Variants in ADAM12 observed in about 807,000 individuals in gnomAD.
The protein encoded by ADAM12 is disintegrin and metalloproteinase domain-containing protein 12.
A neutral mutation model predicts 106.4 loss-of-function variants in ADAM12; 70 were observed. That is an observed-to-expected ratio of 0.66 (90% confidence interval 0.54 to 0.80). The LOEUF is 0.80. Ranked by LOEUF, ADAM12 falls within the 30% of genes least tolerant of loss-of-function variation. The pLI, the probability that ADAM12 is intolerant of heterozygous loss-of-function variation, is 0.00. For missense variants in ADAM12, 1,010 were observed against 1,171.9 expected (o/e 0.86, Z 2.02); for synonymous variants, 420 against 433.5 (o/e 0.97, Z 0.39).
intron 5 of ADAM12, among the ~76,000 whole-genome samples, chr10:126,129,480 T>C (rs541839822): frequency 1.3e-5 from 2 of 152,310 alleles, no homozygotes; most frequent in South Asian, 2.1e-4. Context: ...TCTCTTCCCA[T>C]CTCAGTGACA....
At chr10:126,278,680 T>C (rs572726624) in intron 3 of ADAM12, among the ~76,000 whole-genome samples, 25 of 152,170 alleles carry the variant, frequency 1.6e-4, no homozygotes, top group Non-Finnish European at 2.8e-4. Flanking sequence ...AAATAAAACA[T>C]CAGAACTATG....
At chr10:126,205,513 T>C (rs550164415) in intron 3 of ADAM12, among the ~76,000 whole-genome samples, 88 of 152,338 alleles carry the variant, frequency 5.8e-4, no homozygotes, top group African/African-American at 2.1e-3. Flanking sequence ...TACCATTTCT[T>C]GAAGCTCAAC....
At chr10:126,275,540 A>C (rs1959220317) in intron 3 of ADAM12, among the ~76,000 whole-genome samples, 1 of 152,248 alleles carries the variant, frequency 6.6e-6, no homozygotes, top group Non-Finnish European at 1.5e-5. Context: ...GATTAATTAG[A>C]TGACTCTCAG....
chr10:126,119,028 C>G (rs1036832877), intron 5 of ADAM12, among the ~76,000 whole-genome samples: 45 of 152,258 alleles, frequency 3.0e-4, no homozygotes, highest in Middle Eastern at 3.4e-3. Flanking sequence ...ATTATAAGCA[C>G]CATGAGTACA....
intron 3 of ADAM12, among the ~76,000 whole-genome samples, chr10:126,231,838 T>C (rs1958318324): frequency 6.6e-6 from 1 of 152,194 alleles, no homozygotes; most frequent in Admixed American, 6.5e-5. Context: ...GGATTGGTCC[T>C]TGACCCACTT....
intron 3 of ADAM12, among the ~76,000 whole-genome samples, chr10:126,190,136 T>G (rs934951641): frequency 6.6e-6 from 1 of 151,924 alleles, no homozygotes; most frequent in Admixed American, 6.6e-5. Context: ...TCCAGCCTTC[T>G]CAGGTTGGGG....
chr10:126,177,087 A>T (rs73380545), intron 3 of ADAM12, among the ~76,000 whole-genome samples: 2,925 of 152,152 alleles, frequency 0.019, 107 homozygotes, highest in African/African-American at 0.067. Context: ...TGGTCATAAT[A>T]CACTTGGTAT....
chr10:126,037,046 A>G (rs1037328934), intron 20 of ADAM12, among the ~76,000 whole-genome samples: 5 of 152,092 alleles, frequency 3.3e-5, no homozygotes, highest in Non-Finnish European at 7.3e-5. Context: ...CCCTCCAATC[A>G]TCAGTCTGCT....
At chr10:126,313,648 C>T (rs1178081175) in intron 2 of ADAM12, among the ~76,000 whole-genome samples, 1 of 152,128 alleles carries the variant, frequency 6.6e-6, no homozygotes, top group Non-Finnish European at 1.5e-5. Context: ...TCCATCTGTC[C>T]ATCCGTCGAT....
At chr10:126,109,878 C>A (rs760037924) in intron 6 of ADAM12, 38 bp from the exon 7 acceptor site, 5 of 1,589,170 alleles carry the variant, frequency 3.1e-6, no homozygotes, top group Admixed American at 3.4e-5. Flanking sequence ...TCTCTTAATG[C>A]CTCTCTGGCA....
intron 3 of ADAM12, among the ~76,000 whole-genome samples, chr10:126,172,565 C>T (rs904460157): frequency 6.6e-6 from 1 of 152,226 alleles, no homozygotes; most frequent in Middle Eastern, 3.2e-3. Context: ...GATACCATCT[C>T]ATGCCAGTTA....
chr10:126,218,986 G>A (rs144476064), intron 3 of ADAM12, among the ~76,000 whole-genome samples: 64 of 152,254 alleles, frequency 4.2e-4, no homozygotes, highest in African/African-American at 1.5e-3. Flanking sequence ...AAGCCTCCCA[G>A]GCCTGCAAGG....
chr10:126,349,416 G>T (rs1855271659), intron 1 of ADAM12, among the ~76,000 whole-genome samples: 1 of 152,206 alleles, frequency 6.6e-6, no homozygotes, highest in Non-Finnish European at 1.5e-5. Flanking sequence ...GTAATACCTA[G>T]AGAGCTTTGC....
chr10:126,108,264 G>A (rs1234328560), intron 8 of ADAM12, among the ~76,000 whole-genome samples: 2 of 152,204 alleles, frequency 1.3e-5, no homozygotes, highest in Non-Finnish European at 2.9e-5. Context: ...CCCGGCTCAG[G>A]AGGAATCCAA....
intron 14 of ADAM12, among the ~76,000 whole-genome samples, chr10:126,062,344 G>A (rs1433869728): frequency 6.6e-6 from 1 of 152,114 alleles, no homozygotes; most frequent in African/African-American, 2.4e-5. Flanking sequence ...AGAGTGGGTG[G>A]GAGAGAGTAG....
intron 3 of ADAM12, among the ~76,000 whole-genome samples, chr10:126,220,028 A>C (rs1356535832): frequency 6.6e-6 from 1 of 152,198 alleles, no homozygotes; most frequent in Non-Finnish European, 1.5e-5. Flanking sequence ...CGCCGTACCA[A>C]GTAGGACGTC....
At chr10:126,340,650 T>C (rs1854890162) in intron 1 of ADAM12, among the ~76,000 whole-genome samples, 1 of 152,032 alleles carries the variant, frequency 6.6e-6, no homozygotes, top group Non-Finnish European at 1.5e-5. Context: ...TCTTCCTCTC[T>C]CTACTGCCAC....
intron 3 of ADAM12, among the ~76,000 whole-genome samples, chr10:126,263,293 C>A (rs1959036530): frequency 6.6e-6 from 1 of 152,076 alleles, no homozygotes; most frequent in East Asian, 1.9e-4. Context: ...CCCAGAAAAC[C>A]ATCTGATCCA....
chr10:126,348,572 A>G (rs757727473), intron 1 of ADAM12, among the ~76,000 whole-genome samples: 146 of 152,200 alleles, frequency 9.6e-4, no homozygotes, highest in Non-Finnish European at 6.5e-4. Context: ...ACCGAGCCCA[A>G]TCAGAAGTGC....
Sources: gnomAD v4.1 joint callset for allele counts (sites outside exome capture counted in the v4.1 genomes callset) on GRCh38, gnomAD v4.1.1 for gene constraint, MANE v1.5 for transcripts, NCBI Gene and HGNC (gene_info 2026-07-23, HGNC 2026-07-21) for gene names.